MACROD2: variants seen among roughly 807,000 people sequenced by gnomAD.
MACROD2 encodes the protein ADP-ribose glycohydrolase MACROD2.
In MACROD2, 36 loss-of-function variants were observed where a neutral mutation model predicts 70.4. The ratio of observed to expected loss-of-function variants is 0.51; its 90% CI spans 0.39 to 0.68. MACROD2 has a LOEUF of 0.68. Ranked by LOEUF, MACROD2 falls within the 30% of genes least tolerant of loss-of-function variation. The pLI, the probability that MACROD2 is intolerant of heterozygous loss-of-function variation, is 0.00. For missense variants in MACROD2, 496 were observed against 538.4 expected (o/e 0.92, Z 0.78); for synonymous variants, 172 against 178.8 (o/e 0.96, Z 0.30).
At chr20:15,412,664 G>A (rs558921113) in intron 6 of MACROD2, among the ~76,000 whole-genome samples, 6 of 152,258 alleles carry the variant, frequency 3.9e-5, no homozygotes, top group African/African-American at 1.2e-4. Flanking sequence ...AGACTGTAGG[G>A]CAAAATTTCA....
At chr20:15,170,636 A>G (rs1046239289) in intron 5 of MACROD2, among the ~76,000 whole-genome samples, 16 of 152,178 alleles carry the variant, frequency 1.1e-4, no homozygotes, top group African/African-American at 3.9e-4. Flanking sequence ...ATTCATCCTC[A>G]GAGCTCCCAC....
chr20:15,215,993 G>T (rs1302947919), intron 5 of MACROD2, among the ~76,000 whole-genome samples: 1 of 152,040 alleles, frequency 6.6e-6, no homozygotes, highest in Non-Finnish European at 1.5e-5. Context: ...GTTCTAGAAA[G>T]AATGGAGAAA....
intron 3 of MACROD2, among the ~76,000 whole-genome samples, chr20:14,476,132 A>G (rs2084591824): frequency 6.6e-6 from 1 of 152,174 alleles, no homozygotes; most frequent in African/African-American, 2.4e-5. Flanking sequence ...CACTTTAAAA[A>G]TTACCAATTA....
At chr20:14,235,914 CATACTTA>C (rs912900101) in intron 3 of MACROD2, among the ~76,000 whole-genome samples, 2 of 9,062 alleles carry the variant, frequency 2.2e-4, no homozygotes, top group Non-Finnish European at 3.0e-4. Context: ...CGTGGAAAAA[CATACTTA>C]ATAGTATTAC....
intron 8 of MACROD2, among the ~76,000 whole-genome samples, chr20:15,613,597 G>C (rs959697636): frequency 1.3e-5 from 2 of 152,176 alleles, no homozygotes; most frequent in Admixed American, 1.3e-4. Context: ...TCCCATTAAA[G>C]CTTTACAATA....
chr20:14,441,023 A>G (rs1262926888), intron 3 of MACROD2, among the ~76,000 whole-genome samples: 2 of 152,214 alleles, frequency 1.3e-5, no homozygotes, highest in East Asian at 1.9e-4. Context: ...TGTCCTGGCC[A>G]GAGAGCACTT....
intron 2 of MACROD2, among the ~76,000 whole-genome samples, chr20:14,082,662 A>G (rs1410747342): frequency 6.6e-6 from 1 of 150,890 alleles, no homozygotes; most frequent in Non-Finnish European, 1.5e-5. Flanking sequence ...AATGATTAGA[A>G]AATCTATTTA....
intron 3 of MACROD2, among the ~76,000 whole-genome samples, chr20:14,485,211 C>G (rs1289383105): frequency 6.6e-6 from 1 of 152,098 alleles, no homozygotes; most frequent in Non-Finnish European, 1.5e-5. Flanking sequence ...AACATTATCT[C>G]TAACAGCAAA....
At chr20:15,071,875 C>T (rs914298194) in intron 5 of MACROD2, among the ~76,000 whole-genome samples, 2 of 152,082 alleles carry the variant, frequency 1.3e-5, no homozygotes, top group Non-Finnish European at 2.9e-5. Flanking sequence ...TTTATAGTAA[C>T]ATATTTTTGT....
chr20:15,894,623 A>C (rs1246947798), intron 10 of MACROD2, among the ~76,000 whole-genome samples: 2 of 152,230 alleles, frequency 1.3e-5, no homozygotes, highest in East Asian at 3.9e-4. Flanking sequence ...CCTCCTCTAC[A>C]CAAGGAGCAA....
chr20:14,375,520 C>CGAA (rs1159480435), intron 3 of MACROD2, among the ~76,000 whole-genome samples: 2 of 151,958 alleles, frequency 1.3e-5, no homozygotes, highest in Non-Finnish European at 2.9e-5. Context: ...AAGGGGAGAA[C>CGAA]GAAGAGGTTT....
chr20:15,365,531 T>C (rs1200930606), intron 6 of MACROD2, among the ~76,000 whole-genome samples: 3 of 151,888 alleles, frequency 2.0e-5, no homozygotes, highest in Non-Finnish European at 4.4e-5. Context: ...CATGGTGGCA[T>C]GTGCCTGTAA....
At chr20:15,673,132 ATC>A (rs1882154198) in intron 8 of MACROD2, among the ~76,000 whole-genome samples, 2 of 152,174 alleles carry the variant, frequency 1.3e-5, no homozygotes, top group African/African-American at 4.8e-5. Context: ...TAGAGCCACC[ATC>A]TCTCTACCAC....
chr20:14,456,113 C>T (rs1169608695), intron 3 of MACROD2, among the ~76,000 whole-genome samples: 1 of 151,668 alleles, frequency 6.6e-6, no homozygotes, highest in Non-Finnish European at 1.5e-5. Context: ...TAGGTAATAG[C>T]ATATTAATAA....
intron 5 of MACROD2, among the ~76,000 whole-genome samples, chr20:15,206,785 G>A (rs1004133789): frequency 8.6e-5 from 11 of 128,376 alleles, no homozygotes; most frequent in South Asian, 5.0e-4. Context: ...GCCGGACTGC[G>A]GACTGCAGTG....
rs565097113 is a variant in MACROD2 at position 15,322,816 on chromosome 20, C to A, written c.540+92755C>A. Among the ~76,000 whole-genome samples the A allele has an allele frequency of 1.4e-5, 2 of 143,916 alleles. 1 individual carries two copies. The highest frequency in any genetic ancestry group is 4.6e-4 in the South Asian group (2 of 4,360). The allele number at this position is 143,916 out of a possible 152,430, so 94.4% of individuals were successfully genotyped here. On this transcript the variant is annotated intron_variant, in intron 6 of 17. Coordinates refer to ENST00000684519, the MANE Select transcript of MACROD2 (RefSeq NM_001351661.2). ...GTGAATTCTCTTTTTATAATAGAAG[C>A]ATGAAAAAAGTCTGCCTATTAGAAA...
chr20:15,941,311 T>C (rs2065748194), intron 12 of MACROD2, among the ~76,000 whole-genome samples: 1 of 152,196 alleles, frequency 6.6e-6, no homozygotes, highest in East Asian at 1.9e-4. Context: ...TCCACACTAG[T>C]ATGCAAGCTT....
rs186726461 is a variant in MACROD2 at position 14,623,405 on chromosome 20, G to A, written c.302-61438G>A. 1.3e-3 allele frequency among the ~76,000 whole-genome samples: 197 copies of A among 152,232 alleles called. 2 individuals are homozygous for A. The highest frequency in any genetic ancestry group is 2.4e-3 in the Non-Finnish European group (166 of 68,006). ...GAATAAGGGAGAGTTTATGAACGTG[G>A]GATCACTTGCTAATGATAGAGAATT... On this transcript the variant is annotated intron_variant, in intron 4 of 17. Coordinates refer to ENST00000684519, the MANE Select transcript of MACROD2 (RefSeq NM_001351661.2).
intron 5 of MACROD2, among the ~76,000 whole-genome samples, chr20:14,912,383 AC>A (rs2074038619): frequency 6.6e-6 from 1 of 152,236 alleles, no homozygotes; most frequent in Admixed American, 6.5e-5. Context: ...TTCTGACCAT[AC>A]AAATGATTCT....
Sources: allele counts gnomAD v4.1 joint callset (sites outside exome capture counted in the v4.1 genomes callset), GRCh38; gene constraint gnomAD v4.1.1; transcripts MANE v1.5; gene names NCBI Gene and HGNC (gene_info 2026-07-23, HGNC 2026-07-21).